Variants in ASCC3 observed in about 807,000 individuals in gnomAD.
The protein encoded by ASCC3 is ASC-1 complex subunit P200.
A neutral mutation model predicts 256.3 loss-of-function variants in ASCC3; 158 were observed. The ratio of observed to expected loss-of-function variants is 0.62; its 90% CI spans 0.54 to 0.70. The LOEUF (loss-of-function observed/expected upper bound fraction) is 0.70. Among genes scored for constraint, ASCC3 ranks in the 30% least tolerant of loss-of-function variants. ASCC3 has a pLI of 0.00. For synonymous variants in ASCC3, 948 were observed against 883.4 expected, an observed-to-expected ratio of 1.07 and a Z score of -1.30; for missense variants, 2,259 against 2,626.0, an observed-to-expected ratio of 0.86 and a Z score of 3.05.
chr6:100,709,990 C>A (rs769892444), intron 13 of ASCC3, among the ~76,000 whole-genome samples: 5 of 152,124 alleles, frequency 3.3e-5, no homozygotes, highest in African/African-American at 7.2e-5. Context: ...ACTAATCATT[C>A]AAAAACAGAA....
rs138535357 is a variant in ASCC3 at position 100,854,310 on chromosome 6, G to A, written c.242-5603C>T. 2.0e-5 allele frequency among the ~76,000 whole-genome samples: 3 copies of A among 152,190 alleles called. No homozygotes were observed. In the East Asian group the frequency reaches 5.8e-4, roughly 29 times the overall value. On this transcript the variant is annotated intron_variant, in intron 3 of 41. Transcript: ENST00000369162. ...GTGATATAATTTTAAAATTGCCTAAGTAATGTAATTTAGTATAATAAGCCT... is the reference window on the plus strand; with the variant it reads ...GTGATATAATTTTAAAATTGCCTAAATAATGTAATTTAGTATAATAAGCCT...
In ASCC3 at chr6:100,625,312, G is replaced by T. The variant is rs1237347298; in HGVS notation, c.4665C>A (p.Ala1555=). Residue 1555 remains alanine, a synonymous_variant, in exon 30 of 42, where the codon GCC becomes GCA. Transcript: ENST00000369162. The part of the protein sequence containing the change: ...AFQAIRSHSP[A]KPVLIFVSSR... ...ATGAGACAAATATCAAAACAGGTTT[G>T]GCTGGAGAATGGCTTCTAATTGCTG... 2 of 1,612,652 alleles carry T rather than the reference G, an allele frequency of 1.2e-6. No homozygotes were observed. The highest frequency in any genetic ancestry group is 1.7e-6 in the Non-Finnish European group (2 of 1,179,118).
chr6:100,516,190 T>C lies in ASCC3; in HGVS notation c.6065A>G (p.Lys2022Arg). ...SMVESELHAA[K>R]TKQAWNFLSH... ...AAGAGATGGTCTTACCTGTTTCGTT[T>C]TTGCAGCATGTAGCTCACTTTCTAC... is the stretch of plus-strand genomic sequence containing the variant. The change falls in exon 39 of 42, where the codon AAA becomes AGA. Residue 2022 changes from lysine (K) to arginine (R), a missense_variant. Transcript: ENST00000369162. The C allele has an allele frequency of 6.2e-7, 1 of 1,613,664 alleles. No individual in the cohort carries two copies. Among genetic ancestry groups the C allele is most frequent in the Non-Finnish European group, 8.5e-7 (1 of 1,179,668 alleles).
chr6:100,631,247 T>A, intron 25 of ASCC3, 34 bp from the exon 26 acceptor site: 2 of 1,478,912 alleles, frequency 1.4e-6, no homozygotes, highest in African/African-American at 2.8e-5. Flanking sequence ...AATACTCTTA[T>A]GAAAATAGTG....
At chr6:100,691,268 T>C (rs1227883812) in intron 13 of ASCC3, among the ~76,000 whole-genome samples, 1 of 152,048 alleles carries the variant, frequency 6.6e-6, no homozygotes, top group African/African-American at 2.4e-5. Flanking sequence ...CCTGAAATAC[T>C]AGGACCCCAG....
intron 13 of ASCC3, among the ~76,000 whole-genome samples, chr6:100,689,348 G>C (rs888990842): frequency 6.6e-6 from 1 of 152,142 alleles, no homozygotes; most frequent in African/African-American, 2.4e-5. Context: ...AATTGTATTA[G>C]TATTTTACAG....
intron 1 of ASCC3, among the ~76,000 whole-genome samples, chr6:100,872,164 T>C (rs553941121): frequency 1.3e-5 from 2 of 152,336 alleles, no homozygotes; most frequent in South Asian, 2.1e-4. Context: ...AAACATGATG[T>C]ATTAATACTG....
At chr6:100,787,097 C>T (rs185253270) in intron 8 of ASCC3, among the ~76,000 whole-genome samples, 68 of 152,132 alleles carry the variant, frequency 4.5e-4, no homozygotes, top group Non-Finnish European at 5.6e-4. Flanking sequence ...AATCCTTTCC[C>T]CTCAAGCATA....
intron 14 of ASCC3, among the ~76,000 whole-genome samples, chr6:100,674,750 A>G (rs1000631393): frequency 6.6e-6 from 1 of 150,682 alleles, no homozygotes; most frequent in Non-Finnish European, 1.5e-5. Context: ...CTCCTGCCTC[A>G]GCCTTCCCAA....
intron 10 of ASCC3, among the ~76,000 whole-genome samples, chr6:100,729,561 A>C (rs1478641768): frequency 4.6e-5 from 7 of 152,202 alleles, no homozygotes; most frequent in African/African-American, 1.7e-4. Flanking sequence ...TATCTGGCTT[A>C]AGACACAAAA....
At chr6:100,787,696 G>A (rs982144422) in intron 8 of ASCC3, among the ~76,000 whole-genome samples, 6 of 152,018 alleles carry the variant, frequency 3.9e-5, no homozygotes, top group South Asian at 4.1e-4. Flanking sequence ...TTTAACAAAC[G>A]TTTAACAAAC....
intron 4 of ASCC3, among the ~76,000 whole-genome samples, chr6:100,806,546 T>C (rs1207416476): frequency 6.6e-6 from 1 of 152,078 alleles, no homozygotes; most frequent in East Asian, 1.9e-4. Flanking sequence ...AGGAAGTCTC[T>C]AGGTTTCCGC....
At chr6:100,664,636 A>G (rs897359515) in intron 14 of ASCC3, among the ~76,000 whole-genome samples, 1 of 152,154 alleles carries the variant, frequency 6.6e-6, no homozygotes, top group Non-Finnish European at 1.5e-5. Context: ...TTATACATAT[A>G]CTTTAGGACT....
At chr6:100,773,252 T>C (rs1029251627) in intron 8 of ASCC3, among the ~76,000 whole-genome samples, 2 of 152,150 alleles carry the variant, frequency 1.3e-5, no homozygotes, top group African/African-American at 4.8e-5. Context: ...TGGTAGCTAT[T>C]ATTATTACTA....
intron 1 of ASCC3, among the ~76,000 whole-genome samples, chr6:100,869,052 T>C (rs187857219): frequency 1.8e-4 from 28 of 152,318 alleles, no homozygotes; most frequent in African/African-American, 6.0e-4. Context: ...GAATGTCACA[T>C]AAGCTATGTA....
At chr6:100,576,811 T>C (rs1770890103) in intron 36 of ASCC3, among the ~76,000 whole-genome samples, 1 of 151,786 alleles carries the variant, frequency 6.6e-6, no homozygotes, top group South Asian at 2.1e-4. Flanking sequence ...TTACTATCAT[T>C]TAAGGATGAC....
chr6:100,743,861 T>C (rs1343023050), intron 10 of ASCC3, among the ~76,000 whole-genome samples: 1 of 152,198 alleles, frequency 6.6e-6, no homozygotes, highest in Non-Finnish European at 1.5e-5. Flanking sequence ...ATGATACACA[T>C]TAATACTCAC....
intron 39 of ASCC3, 116 bp from the exon 40 acceptor site, chr6:100,513,034 T>C: frequency 1.1e-6 from 1 of 895,306 alleles, no homozygotes; most frequent in South Asian, 1.6e-5. Flanking sequence ...AGATTAATTC[T>C]AGATCCAATG....
chr6:100,705,512 T>A lies in ASCC3; in HGVS notation c.2151+9950A>T, dbSNP rs760278689. Among the ~76,000 whole-genome samples, 13 of 152,054 alleles carry A rather than the reference T, an allele frequency of 8.5e-5. 1 individual carries two copies. Among genetic ancestry groups the A allele is most frequent in the Admixed American group, 3.9e-4 (6 of 15,224 alleles). On this transcript the variant is annotated intron_variant, in intron 13 of 41. Transcript: ENST00000369162. ...TTCGAATGGACATGTATTTCAGTCT[T>A]CTCACTAATGGTTTGAAACGTAGCT...
Sources: gnomAD v4.1 joint callset for allele counts (sites outside exome capture counted in the v4.1 genomes callset) on GRCh38, gnomAD v4.1.1 for gene constraint, MANE v1.5 for transcripts, NCBI Gene and HGNC (gene_info 2026-07-23, HGNC 2026-07-21) for gene names.